The following RBFOX1 variants were observed in gnomAD, a reference collection of about 807,000 sequenced individuals.
RBFOX1 encodes RNA binding fox-1 homolog 1.
RBFOX1 carries 8 observed loss-of-function variants against 57.7 expected under a neutral mutation model. The ratio of observed to expected loss-of-function variants is 0.14; its 90% CI spans 0.08 to 0.25. The LOEUF is 0.25. Ranked by LOEUF, RBFOX1 falls within the 10% of genes least tolerant of loss-of-function variation. The probability of loss-of-function intolerance (pLI) is 1.00; values close to 1 mark genes in which losing one functional copy is unlikely to be tolerated. For missense variants in RBFOX1, 611 were observed against 548.5 expected, an observed-to-expected ratio of 1.11 and a Z score of -1.14; for synonymous variants, 326 against 222.4, an observed-to-expected ratio of 1.47 and a Z score of -4.15.
At chr16:6,250,152 A>G (rs986394924) in intron 1 of RBFOX1, among the ~76,000 whole-genome samples, 1 of 152,180 alleles carries the variant, frequency 6.6e-6, no homozygotes, top group African/African-American at 2.4e-5. Context: ...AACCACCTTC[A>G]TCTGCTGTTG....
At chr16:7,282,814 G>A (rs983184975) in intron 4 of RBFOX1, among the ~76,000 whole-genome samples, 1 of 152,140 alleles carries the variant, frequency 6.6e-6, no homozygotes, top group Non-Finnish European at 1.5e-5. Flanking sequence ...TCCCACTTAT[G>A]AGTGAGAACA....
chr16:7,159,261 A>G (rs1302518820), intron 4 of RBFOX1, among the ~76,000 whole-genome samples: 1 of 150,674 alleles, frequency 6.6e-6, no homozygotes, highest in Non-Finnish European at 1.5e-5. Context: ...ATCTTTTTTC[A>G]GTAGACACCC....
At chr16:5,837,334 C>A (rs1163385806) in intron 3 of RBFOX1, among the ~76,000 whole-genome samples, 2 of 151,916 alleles carry the variant, frequency 1.3e-5, no homozygotes, top group African/African-American at 2.4e-5. Context: ...CCTAGAATAA[C>A]AAATTAAGAT....
At chr16:5,541,058 C>T (rs972372825) in intron 2 of RBFOX1, among the ~76,000 whole-genome samples, 5 of 152,008 alleles carry the variant, frequency 3.3e-5, no homozygotes, top group Admixed American at 2.0e-4. Flanking sequence ...CCATGTTGGC[C>T]GGGCTGATCT....
intron 2 of RBFOX1, among the ~76,000 whole-genome samples, chr16:6,458,383 A>T (rs1395495072): frequency 6.6e-6 from 1 of 152,192 alleles, no homozygotes; most frequent in South Asian, 2.1e-4. Flanking sequence ...TCATTTCTCC[A>T]TCTATTAATG....
intron 4 of RBFOX1, among the ~76,000 whole-genome samples, chr16:7,362,507 G>GGT (rs1555782333): frequency 1.4e-5 from 2 of 147,892 alleles, no homozygotes; most frequent in African/African-American, 5.2e-5. Flanking sequence ...GTATGTGCAT[G>GGT]TTTTTTGTGT....
At chr16:7,556,766 A>G (rs1426866964) in intron 5 of RBFOX1, among the ~76,000 whole-genome samples, 13 of 152,230 alleles carry the variant, frequency 8.5e-5, no homozygotes, top group Non-Finnish European at 1.9e-4. Context: ...TCATAGAGGT[A>G]TCATGGGGAT....
intron 13 of RBFOX1, among the ~76,000 whole-genome samples, chr16:7,674,135 T>C (rs7185149): frequency 0.83 from 126,889 of 152,102 alleles, 53,531 homozygotes; most frequent in Admixed American, 0.9. Context: ...ACACAACTCT[T>C]ATTTCCCTAG....
intron 3 of RBFOX1, among the ~76,000 whole-genome samples, chr16:5,734,943 A>G (rs1451859383): frequency 6.6e-6 from 1 of 152,198 alleles, no homozygotes; most frequent in Non-Finnish European, 1.5e-5. Context: ...GGCATATAGT[A>G]GATGTGCAGA....
chr16:7,058,231 T>G (rs1289477085), intron 4 of RBFOX1, among the ~76,000 whole-genome samples: 4 of 152,150 alleles, frequency 2.6e-5, no homozygotes, highest in African/African-American at 9.7e-5. Flanking sequence ...GTTACTCCCC[T>G]TTCCATTGTC....
At chr16:6,538,471 A>G (rs2096765399) in intron 2 of RBFOX1, among the ~76,000 whole-genome samples, 1 of 152,214 alleles carries the variant, frequency 6.6e-6, no homozygotes, top group African/African-American at 2.4e-5. Flanking sequence ...TAGCCTGGGC[A>G]ACAGAGCAAA....
chr16:5,541,113 G>A (rs1486305330), intron 2 of RBFOX1, among the ~76,000 whole-genome samples: 2 of 152,124 alleles, frequency 1.3e-5, no homozygotes, highest in African/African-American at 4.8e-5. Flanking sequence ...GCCTCCCAAA[G>A]TGCTGGGATT....
At chr16:7,710,131 C>T (rs1025997173) in intron 15 of RBFOX1, 1 of 1,020,792 alleles carries the variant, frequency 9.8e-7, no homozygotes, top group African/African-American at 1.7e-5. Context: ...CTGTACAACT[C>T]CACAACTCCC....
At chr16:6,458,493 A>G (rs2094831524) in intron 2 of RBFOX1, among the ~76,000 whole-genome samples, 1 of 152,232 alleles carries the variant, frequency 6.6e-6, no homozygotes, top group African/African-American at 2.4e-5. Flanking sequence ...ACCAGGTGCT[A>G]AATAAGTTGC....
At chr16:6,434,372 C>A (rs1339697563) in intron 2 of RBFOX1, among the ~76,000 whole-genome samples, 3 of 152,132 alleles carry the variant, frequency 2.0e-5, no homozygotes, top group Non-Finnish European at 4.4e-5. Context: ...GTTCCTTCCC[C>A]AGCTTCCTCT....
chr16:6,352,691 T>C (rs9925254), intron 2 of RBFOX1, among the ~76,000 whole-genome samples: 2,323 of 152,294 alleles, frequency 0.015, 50 homozygotes, highest in African/African-American at 0.052. Context: ...ATATCCTGCG[T>C]GTTTGATACA....
chr16:5,359,104 G>T lies in RBFOX1; in HGVS notation c.220-108112G>T, dbSNP rs539083303. 4.6e-5 allele frequency among the ~76,000 whole-genome samples: 7 copies of T among 152,330 alleles called. No individual in the cohort carries two copies. In the South Asian group the frequency reaches 1.2e-3, roughly 27 times the overall value. ...CCTGGCTTATTTCACTTAGCATAGT[G>T]ACCTCCAGTTTCATCCACATTTTTG... On this transcript the variant is annotated intron_variant, in intron 1 of 2. Coordinates refer to the RBFOX1 transcript ENST00000585867.
At chr16:7,326,465 C>T (rs1287316983) in intron 4 of RBFOX1, among the ~76,000 whole-genome samples, 1 of 151,916 alleles carries the variant, frequency 6.6e-6, no homozygotes, top group Non-Finnish European at 1.5e-5. Flanking sequence ...GTTGGTGGGG[C>T]ACTGAAGACA....
At chr16:5,661,113 C>G (rs2049633398) in intron 3 of RBFOX1, among the ~76,000 whole-genome samples, 1 of 152,204 alleles carries the variant, frequency 6.6e-6, no homozygotes, top group African/African-American at 2.4e-5. Context: ...AGAAAGGAAA[C>G]TTAAAAGGCC....
Sources: gnomAD v4.1 joint callset for allele counts (sites outside exome capture counted in the v4.1 genomes callset) on GRCh38, gnomAD v4.1.1 for gene constraint, MANE v1.5 for transcripts, NCBI Gene and HGNC (gene_info 2026-07-23, HGNC 2026-07-21) for gene names.